ADGRD1: variants seen among roughly 807,000 people sequenced by gnomAD.
The protein encoded by ADGRD1 is adhesion G protein-coupled receptor D1, also known as G-protein coupled receptor 133.
A neutral mutation model predicts 113.4 loss-of-function variants in ADGRD1; 77 were observed. The observed-to-expected ratio is 0.68, with a 90% CI of 0.57 to 0.82. The LOEUF (loss-of-function observed/expected upper bound fraction) is 0.82. ADGRD1 is among the 40% of genes least tolerant of loss of function. The pLI is 0.00. For missense variants in ADGRD1, 1,036 were observed against 1,139.1 expected, an observed-to-expected ratio of 0.91 and a Z score of 1.30; for synonymous variants, 474 against 475.0, an observed-to-expected ratio of 1.00 and a Z score of 0.03.
intron 19 of ADGRD1, among the ~76,000 whole-genome samples, chr12:131,118,811 G>T (rs1375714375): frequency 6.6e-6 from 1 of 152,212 alleles, no homozygotes; most frequent in Non-Finnish European, 1.5e-5. Flanking sequence ...TTCTTGGGGT[G>T]GCCAGCAAGC....
Position 131,042,574 on chromosome 12 carries a change from A to G in ADGRD1, c.1473+28234A>G, listed in dbSNP as rs1483149517. 2.0e-5 allele frequency among the ~76,000 whole-genome samples: 3 copies of G among 152,162 alleles called. No homozygotes were observed. In the East Asian group the frequency reaches 5.8e-4, roughly 29 times the overall value. On this transcript the variant is annotated intron_variant, in intron 13 of 24. Transcript: ENST00000261654. ...AACCTTGAGGACTCGTCACTCTCCC[A>G]GCTCAGATGTTTGGTTTCTAAAGGA...
chr12:130,960,017 T>G (rs1870153513), intron 2 of ADGRD1, among the ~76,000 whole-genome samples: 1 of 152,206 alleles, frequency 6.6e-6, no homozygotes, highest in Non-Finnish European at 1.5e-5. Flanking sequence ...TTCCAGGGCC[T>G]CAGGCGGCCC....
At chr12:130,982,548 C>T (rs958738206) in intron 5 of ADGRD1, among the ~76,000 whole-genome samples, 4 of 152,114 alleles carry the variant, frequency 2.6e-5, no homozygotes, top group African/African-American at 9.7e-5. Flanking sequence ...CCTCTTCTTC[C>T]TTCTTCTTAG....
chr12:131,078,333 CTCTGGCTATGGCCGTCGGCG>C (rs1245987594), intron 14 of ADGRD1, among the ~76,000 whole-genome samples: 6 of 152,378 alleles, frequency 3.9e-5, no homozygotes, highest in South Asian at 2.1e-4. Context: ...GGATGCCTCA[CTCTGGCTATGGCCGTCGGCG>C]TCTGGCTATG....
chr12:131,023,913 A>G (rs1364352560), intron 13 of ADGRD1: 2 of 152,218 alleles, frequency 1.3e-5, no homozygotes, highest in African/African-American at 4.8e-5. Flanking sequence ...AACAGCAGGG[A>G]GAAAATGACC....
At chr12:130,955,840 T>A (rs1869506064) in intron 2 of ADGRD1, among the ~76,000 whole-genome samples, 1 of 152,132 alleles carries the variant, frequency 6.6e-6, no homozygotes, top group Admixed American at 6.6e-5. Context: ...TGGAGTTGAG[T>A]GGTGAGATCT....
intron 2 of ADGRD1, chr12:130,956,673 G>A (rs1869628464): frequency 1.3e-5 from 2 of 152,328 alleles, no homozygotes; most frequent in African/African-American, 4.8e-5. Flanking sequence ...TGGCCCCCGA[G>A]GCCCCAGCAT....
At chr12:131,138,330 G>A (rs1040603998) in intron 24 of ADGRD1, 101 bp downstream of exon 24, 20 of 910,468 alleles carry the variant, frequency 2.2e-5, no homozygotes, top group Non-Finnish European at 2.8e-5. Flanking sequence ...GTGGCTTCGG[G>A]TGCCCAGCAG....
Position 130,987,257 on chromosome 12 carries a change from A to C in ADGRD1, c.653A>C (p.Lys218Thr). 6.2e-7 allele frequency: 1 copy of C among 1,614,208 alleles called. No individual in the cohort carries two copies. Among genetic ancestry groups the C allele is most frequent in the Non-Finnish European group, 8.5e-7 (1 of 1,180,016 alleles). ...LVIGSEQDQAKCYENGAFDEF... is the reference protein window; with the variant it reads ...LVIGSEQDQATCYENGAFDEF... The stretch of plus-strand genomic sequence containing the variant: ...ATAGGGTCTGAGCAGGACCAGGCCA[A>C]GTGTTATGAGAACGGTGCTTTCGAT... Residue 218 changes from lysine (K) to threonine (T), a missense_variant, in exon 6 of 25, where the codon AAG becomes ACG. By Grantham distance (78) the Lys-to-Thr change is moderately conservative (BLOSUM62 -1). Coordinates refer to ENST00000261654, the MANE Select transcript of ADGRD1 (RefSeq NM_198827.5).
chr12:131,085,407 G>A (rs1204760758), intron 15 of ADGRD1, among the ~76,000 whole-genome samples: 2 of 149,446 alleles, frequency 1.3e-5, no homozygotes, highest in Non-Finnish European at 3.0e-5. Context: ...TGAGCTCCAA[G>A]GCCCTGGGGA....
intron 15 of ADGRD1, among the ~76,000 whole-genome samples, chr12:131,098,134 G>A (rs12579356): frequency 0.26 from 10,240 of 39,804 alleles, 622 homozygotes; most frequent in East Asian, 0.51. Flanking sequence ...CTGTCCTCCC[G>A]CGGTGGCCGC....
intron 5 of ADGRD1, among the ~76,000 whole-genome samples, chr12:130,985,887 GTTGTTGCAGCACCAT>G (rs1873601705): frequency 6.6e-6 from 1 of 152,174 alleles, no homozygotes; most frequent in Non-Finnish European, 1.5e-5. Context: ...TGGATATTCA[GTTGTTGCAGCACCAT>G]TTGTTGCAAC....
intron 2 of ADGRD1, among the ~76,000 whole-genome samples, chr12:130,961,568 A>G (rs61936891): frequency 0.063 from 9,605 of 152,164 alleles, 434 homozygotes; most frequent in Non-Finnish European, 0.092. Flanking sequence ...TTTAGTCTTT[A>G]GAAGAGTTTG....
At chr12:131,014,834 T>G (rs753919260) in intron 13 of ADGRD1, among the ~76,000 whole-genome samples, 1 of 152,220 alleles carries the variant, frequency 6.6e-6, no homozygotes, top group Non-Finnish European at 1.5e-5. Flanking sequence ...ACATGTCGTT[T>G]GTTTTTGCCA....
intron 18 of ADGRD1, among the ~76,000 whole-genome samples, chr12:131,111,154 A>C (rs987436412): frequency 4.0e-5 from 6 of 151,708 alleles, no homozygotes; most frequent in African/African-American, 1.2e-4. Flanking sequence ...GTGCAGTGGC[A>C]CCATCTCGGC....
chr12:130,980,074 G>C (rs970185084), intron 4 of ADGRD1, among the ~76,000 whole-genome samples: 1 of 150,572 alleles, frequency 6.6e-6, no homozygotes, highest in Non-Finnish European at 1.5e-5. Flanking sequence ...GGGTGGGTGC[G>C]GGGCATGCTC....
chr12:131,064,935 C>T (rs1212981748), intron 13 of ADGRD1, among the ~76,000 whole-genome samples: 1 of 152,164 alleles, frequency 6.6e-6, no homozygotes, highest in Non-Finnish European at 1.5e-5. Flanking sequence ...TCAAACTGCC[C>T]AGCTCTTGAG....
intron 4 of ADGRD1, chr12:130,980,960 A>C (rs570805368): frequency 2.0e-5 from 3 of 152,352 alleles, no homozygotes; most frequent in African/African-American, 7.2e-5. Context: ...GTCCAGGTGC[A>C]ATCCCTCCTC....
intron 15 of ADGRD1, among the ~76,000 whole-genome samples, chr12:131,102,284 C>T (rs572308046): frequency 2.4e-4 from 36 of 152,282 alleles, no homozygotes; most frequent in African/African-American, 8.2e-4. Context: ...GCTCTTGGCC[C>T]GTCGGTCTGC....
Sources: gnomAD v4.1 joint callset for allele counts (sites outside exome capture counted in the v4.1 genomes callset) on GRCh38, gnomAD v4.1.1 for gene constraint, MANE v1.5 for transcripts, NCBI Gene and HGNC (gene_info 2026-07-23, HGNC 2026-07-21) for gene names.